The following ZNF518A variants were observed in gnomAD, a reference collection of about 807,000 sequenced individuals.
ZNF518A encodes the protein zinc finger protein 518.
In ZNF518A, 47 loss-of-function variants were observed where a neutral mutation model predicts 102.7. That is an observed-to-expected ratio of 0.46 (90% CI 0.36 to 0.58). The LOEUF is 0.58. Among genes scored for constraint, ZNF518A ranks in the 20% least tolerant of loss-of-function variants. The pLI is 0.00. For missense variants in ZNF518A, 1,793 were observed against 1,699.8 expected (o/e 1.05, Z -0.96); for synonymous variants, 652 against 594.6 (o/e 1.10, Z -1.40).
chr10:96,149,180 A>G (rs1198055352), intron 3 of ZNF518A, among the ~76,000 whole-genome samples: 1 of 152,218 alleles, frequency 6.6e-6, no homozygotes, highest in Non-Finnish European at 1.5e-5. Context: ...AAAAGTTTAT[A>G]AATGTTTATT....
intron 1 of ZNF518A, among the ~76,000 whole-genome samples, chr10:96,172,762 CAAAA>C (rs2083181007): frequency 6.6e-6 from 1 of 151,632 alleles, no homozygotes. Flanking sequence ...AACAAATTAA[CAAAA>C]AAGGAATGAA....
At chr10:96,146,563 TTTC>T (rs2133461130) in intron 3 of ZNF518A, among the ~76,000 whole-genome samples, 1 of 152,370 alleles carries the variant, frequency 6.6e-6, no homozygotes, top group South Asian at 2.1e-4. Context: ...CCTCTGTGAC[TTTC>T]TTCTTTGGGT....
intron 3 of ZNF518A, among the ~76,000 whole-genome samples, chr10:96,142,266 G>T (rs782597643): frequency 2.0e-5 from 3 of 151,316 alleles, no homozygotes; most frequent in Non-Finnish European, 4.4e-5. Flanking sequence ...TATTTTGAGG[G>T]CACTAAAATA....
intron 2 of ZNF518A, chr10:96,132,929 A>C (rs931055551): frequency 2.6e-5 from 4 of 152,146 alleles, no homozygotes; most frequent in Admixed American, 6.5e-5. Flanking sequence ...AAAGAAAAAA[A>C]GAATGAAACC....
At chr10:96,202,289 T>C (rs2083665592) in intron 1 of ZNF518A, among the ~76,000 whole-genome samples, 2 of 152,142 alleles carry the variant, frequency 1.3e-5, no homozygotes, top group Admixed American at 1.3e-4. Flanking sequence ...TTCCAGCTGC[T>C]GGGCTGGAAA....
intron 1 of ZNF518A, chr10:96,189,909 C>T: frequency 1.0e-6 from 1 of 1,004,722 alleles, no homozygotes; most frequent in South Asian, 1.3e-5. Flanking sequence ...GGCCCTGAAC[C>T]ACACTTCAAC....
At chr10:96,150,436 TTTTTATC>T in intron 3 of ZNF518A, among the ~76,000 whole-genome samples, 1 of 151,504 alleles carries the variant, frequency 6.6e-6, no homozygotes, top group African/African-American at 2.4e-5. Flanking sequence ...TAGCATTTCA[TTTTTATC>T]TTTTAAGCTA....
rs782187453 is a variant in ZNF518A, at chr10:96,158,794, C to T, written c.2472C>T (p.Gly824=). The T allele has an allele frequency of 1.2e-6, 2 of 1,613,612 alleles. No homozygotes were observed. Among genetic ancestry groups the T allele is most frequent in the South Asian group, 2.2e-5 (2 of 91,058 alleles). The change falls in exon 6 of 6, where the codon GGC becomes GGT. Residue 824 remains glycine (G), a synonymous_variant. Coordinates refer to ENST00000316045, the MANE Select transcript of ZNF518A (RefSeq NM_001330736.2). The part of the protein sequence containing the change: ...DQSFQKHERE[G]KIVESSKDFK... ...CATTTCAAAAACACGAGAGAGAAGG[C>T]AAAATTGTTGAATCTTCGAAAGATT...
chr10:96,173,984 A>G (rs999454124), intron 1 of ZNF518A, among the ~76,000 whole-genome samples: 1 of 152,164 alleles, frequency 6.6e-6, no homozygotes, highest in East Asian at 1.9e-4. Context: ...ATATATGGCA[A>G]TTGAACAATA....
intron 1 of ZNF518A, among the ~76,000 whole-genome samples, chr10:96,173,534 G>A (rs1430627484): frequency 6.6e-6 from 1 of 152,050 alleles, no homozygotes; most frequent in Non-Finnish European, 1.5e-5. Context: ...ACTATAAAGA[G>A]GGAAATTTTA....
chr10:96,190,216 C>G, intron 1 of ZNF518A: 1 of 765,044 alleles, frequency 1.3e-6, no homozygotes, highest in Non-Finnish European at 2.4e-6. Context: ...ATCGAATCTT[C>G]CATCAGGTGG....
At chr10:96,204,119 A>G (rs1353846150) in exon 3 of ZNF518A, 1 of 1,612,858 alleles carries the variant, frequency 6.2e-7, no homozygotes. Flanking sequence ...TAATTAAAGG[A>G]CAAAGCACAA....
chr10:96,175,979 TACTC>T (rs1481853193), intron 1 of ZNF518A, among the ~76,000 whole-genome samples: 4 of 151,142 alleles, frequency 2.6e-5, no homozygotes, highest in Non-Finnish European at 5.9e-5. Flanking sequence ...AGATAGGTCT[TACTC>T]TATCTCTCAG....
At chr10:96,203,524 T>C (rs2083708016) in intron 1 of ZNF518A, 2 of 152,180 alleles carry the variant, frequency 1.3e-5, no homozygotes, top group East Asian at 3.8e-4. Context: ...AATTAAGGTT[T>C]GGGCAGTTAC....
chr10:96,176,581 T>C (rs781949226), intron 1 of ZNF518A, among the ~76,000 whole-genome samples: 21 of 152,024 alleles, frequency 1.4e-4, no homozygotes, highest in Non-Finnish European at 2.5e-4. Flanking sequence ...CTGGGAAACA[T>C]AGTGAGACCT....
At position 96,157,178 on chromosome 10, in the gene ZNF518A, A is replaced by G; in HGVS notation, c.856A>G (p.Lys286Glu). Residue 286 changes from lysine (K) to glutamate (E), a missense_variant, in exon 6 of 6, where the codon AAA becomes GAA. Around this residue, in one of 3 missense-constraint regions of ZNF518A, gnomAD observed 1,741 missense variants for 1,622.6 expected, o/e 1.07. Coordinates refer to ENST00000316045, the MANE Select transcript of ZNF518A (RefSeq NM_001330736.2). ...TGTAAGACATGTTATAACTTTGCAC[A>G]AAGAACATTTATATGCAAAAGAAAA... is the stretch of plus-strand genomic sequence containing the variant. ...HLVRHVITLH[K>E]EHLYAKEKLE... 1 of 1,612,980 alleles carries G rather than the reference A, an allele frequency of 6.2e-7. No homozygotes were observed. The highest frequency in any genetic ancestry group is 2.2e-5 in the East Asian group (1 of 44,868).
intron 3 of ZNF518A, among the ~76,000 whole-genome samples, chr10:96,141,852 ACCT>A (rs1215071498): frequency 6.7e-6 from 1 of 149,430 alleles, no homozygotes; most frequent in Non-Finnish European, 1.5e-5. Context: ...GGATCCTCCC[ACCT>A]CAGCCTCCTG....
chr10:96,196,374 GA>G (rs2083465769), intron 1 of ZNF518A, among the ~76,000 whole-genome samples: 2 of 152,326 alleles, frequency 1.3e-5, no homozygotes, highest in Admixed American at 6.5e-5. Context: ...CCAGATTAAA[GA>G]GGCATTAAAG....
intron 3 of ZNF518A, among the ~76,000 whole-genome samples, chr10:96,144,071 G>C (rs930422233): frequency 2.0e-5 from 3 of 152,048 alleles, no homozygotes; most frequent in Non-Finnish European, 2.9e-5. Context: ...CTGCAGCCTT[G>C]ACCTCCCAAG....
Sources: allele counts gnomAD v4.1 joint callset (sites outside exome capture counted in the v4.1 genomes callset), GRCh38; gene constraint gnomAD v4.1.1; regional missense constraint gnomAD v4.1.1; transcripts MANE v1.5; gene names NCBI Gene and HGNC (gene_info 2026-07-23, HGNC 2026-07-21).